The following PLCXD2 variants were observed in gnomAD, a reference collection of about 807,000 sequenced individuals.
PLCXD2 encodes the protein PI-PLC X domain-containing protein 2.
A neutral mutation model predicts 28.6 loss-of-function variants in PLCXD2; 21 were observed. The observed-to-expected ratio is 0.73, with a 90% CI of 0.52 to 1.06. PLCXD2 has a LOEUF of 1.06. Among genes scored for constraint, PLCXD2 ranks in the 50% least tolerant of loss-of-function variants. The pLI, the probability that PLCXD2 is intolerant of heterozygous loss-of-function variation, is 0.00. For synonymous variants in PLCXD2, 140 were observed against 150.1 expected (o/e 0.93, Z 0.49); for missense variants, 369 against 376.7 (o/e 0.98, Z 0.17).
chr3:111,686,875 C>G (rs1940803103), intron 1 of PLCXD2, among the ~76,000 whole-genome samples: 1 of 152,116 alleles, frequency 6.6e-6, no homozygotes, highest in African/African-American at 2.4e-5. Context: ...TCTATGTTTT[C>G]TGACACATTC....
intron 1 of PLCXD2, among the ~76,000 whole-genome samples, chr3:111,700,945 G>A (rs1030128104): frequency 6.6e-6 from 1 of 152,138 alleles, no homozygotes; most frequent in African/African-American, 2.4e-5. Flanking sequence ...GATTTTCAAT[G>A]TGGGTGATGA....
chr3:111,709,192 CAAG>C (rs1261423033), intron 2 of PLCXD2, among the ~76,000 whole-genome samples: 4 of 151,472 alleles, frequency 2.6e-5, no homozygotes, highest in Non-Finnish European at 4.4e-5. Context: ...TTTTTTAACT[CAAG>C]GAGGAGCTTT....
At chr3:111,692,837 A>G (rs1940907567) in intron 1 of PLCXD2, among the ~76,000 whole-genome samples, 1 of 152,130 alleles carries the variant, frequency 6.6e-6, no homozygotes, top group Admixed American at 6.5e-5. Flanking sequence ...TCCCCCTCTG[A>G]CCTTAGGTAA....
In PLCXD2 at chr3:111,690,631, C is replaced by A. The variant is rs74808543; in HGVS notation, c.163+15223C>A. 5.7e-3 allele frequency among the ~76,000 whole-genome samples: 870 copies of A among 152,274 alleles called. 6 individuals are homozygous for A. Among genetic ancestry groups the A allele is most frequent in the African/African-American group, 0.02 (814 of 41,552 alleles). ...CCCGTTGGGTGTAATGTACAAATTC[C>A]CTTTAAGCCCACCATTTCATGTAAT... On this transcript the variant is annotated intron_variant, in intron 1 of 4. Coordinates refer to ENST00000477665, the MANE Select transcript of PLCXD2 (RefSeq NM_001185106.1).
chr3:111,720,861 C>G, intron 3 of PLCXD2: 1 of 416,800 alleles, frequency 2.4e-6, no homozygotes, highest in Non-Finnish European at 4.4e-6. Flanking sequence ...TACAGGAGGA[C>G]ACAGCTCTGG....
At position 111,708,215 on chromosome 3, in the gene PLCXD2, A is replaced by C; in HGVS notation, c.453A>C (p.Thr151=). The C allele has an allele frequency of 6.2e-7, 1 of 1,614,140 alleles. No homozygotes were observed. Among genetic ancestry groups the C allele is most frequent in the Non-Finnish European group, 8.5e-7 (1 of 1,180,020 alleles). Residue 151 remains threonine, a synonymous_variant, in exon 2 of 5, where the codon ACA becomes ACC. Coordinates refer to ENST00000477665, the MANE Select transcript of PLCXD2 (RefSeq NM_001185106.1). Reference sequence around the variant, plus strand: ...TGATGGAAATTGACTCGTTTCTTACACAGCACCCCCAGGAGATTATCTTCC... The same window carrying C: ...TGATGGAAATTGACTCGTTTCTTACCCAGCACCCCCAGGAGATTATCTTCC...
At chr3:111,687,386 AG>A (rs1271438101) in intron 1 of PLCXD2, among the ~76,000 whole-genome samples, 1 of 152,206 alleles carries the variant, frequency 6.6e-6, no homozygotes, top group Admixed American at 6.5e-5. Context: ...ATTGTCCCCA[AG>A]GACTCTAAGG....
intron 1 of PLCXD2, among the ~76,000 whole-genome samples, chr3:111,692,684 A>C (rs980103982): frequency 6.6e-6 from 1 of 152,246 alleles, no homozygotes; most frequent in Admixed American, 6.5e-5. Flanking sequence ...TTAACAACAG[A>C]GGTGAAAAAC....
At chr3:111,717,205 C>T (rs1941278143) in intron 3 of PLCXD2, among the ~76,000 whole-genome samples, 1 of 152,066 alleles carries the variant, frequency 6.6e-6, no homozygotes, top group South Asian at 2.1e-4. Context: ...TAATAAACCT[C>T]ATCAGATTGT....
intron 3 of PLCXD2, among the ~76,000 whole-genome samples, chr3:111,716,637 G>A (rs1287710099): frequency 1.3e-5 from 2 of 152,108 alleles, no homozygotes; most frequent in Non-Finnish European, 2.9e-5. Context: ...CTCTATAAGG[G>A]AACATGGACT....
chr3:111,692,180 T>C (rs1359667408), intron 1 of PLCXD2, among the ~76,000 whole-genome samples: 1 of 152,192 alleles, frequency 6.6e-6, no homozygotes, highest in Non-Finnish European at 1.5e-5. Flanking sequence ...TAGCTGGGAC[T>C]GCAGGCACCC....
chr3:111,687,991 C>T (rs546764368), intron 1 of PLCXD2, among the ~76,000 whole-genome samples: 1 of 151,928 alleles, frequency 6.6e-6, no homozygotes, highest in Non-Finnish European at 1.5e-5. Context: ...TATCTTTTAT[C>T]CTCTCTCTCT....
intron 1 of PLCXD2, among the ~76,000 whole-genome samples, chr3:111,704,640 A>G (rs931021473): frequency 1.3e-5 from 2 of 152,230 alleles, no homozygotes; most frequent in African/African-American, 4.8e-5. Context: ...ACAATGTATA[A>G]TGATCAAATC....
At chr3:111,676,268 G>A (rs1940620555) in intron 1 of PLCXD2, among the ~76,000 whole-genome samples, 1 of 152,196 alleles carries the variant, frequency 6.6e-6, no homozygotes, top group Non-Finnish European at 1.5e-5. Flanking sequence ...GCAGGGGATG[G>A]ACTACTGCCA....
chr3:111,704,087 T>C (rs1348438286), intron 1 of PLCXD2, among the ~76,000 whole-genome samples: 1 of 152,088 alleles, frequency 6.6e-6, no homozygotes, highest in Non-Finnish European at 1.5e-5. Flanking sequence ...TATAAAATGG[T>C]AGTGTGGTAA....
intron 1 of PLCXD2, among the ~76,000 whole-genome samples, chr3:111,704,155 G>A (rs760254885): frequency 3.9e-5 from 6 of 152,234 alleles, no homozygotes; most frequent in Non-Finnish European, 8.8e-5. Context: ...GAAAATGGAT[G>A]ACAGTGAACT....
At chr3:111,718,012 T>C (rs1341896642) in intron 3 of PLCXD2, among the ~76,000 whole-genome samples, 1 of 151,926 alleles carries the variant, frequency 6.6e-6, no homozygotes, top group Admixed American at 6.6e-5. Context: ...ACCACACTTA[T>C]CATATCACAG....
chr3:111,711,309 CAA>C (rs1446215695), intron 2 of PLCXD2, among the ~76,000 whole-genome samples: 1 of 152,174 alleles, frequency 6.6e-6, no homozygotes, highest in Non-Finnish European at 1.5e-5. Flanking sequence ...CAGGCAGAGA[CAA>C]GAGAATCGCT....
intron 3 of PLCXD2, chr3:111,725,634 C>T (rs60057873): frequency 0.013 from 5,348 of 398,524 alleles, 233 homozygotes; most frequent in African/African-American, 0.096. Flanking sequence ...AGACACTATA[C>T]AAATAATTCA....
Sources: allele counts gnomAD v4.1 joint callset (sites outside exome capture counted in the v4.1 genomes callset), GRCh38; gene constraint gnomAD v4.1.1; transcripts MANE v1.5; gene names NCBI Gene and HGNC (gene_info 2026-07-23, HGNC 2026-07-21).